RUSC1: variants seen among roughly 807,000 people sequenced by gnomAD.
RUSC1 encodes the protein RUN and SH3 domain containing 1, also known as AP-4 complex accessory subunit RUSC1.
A neutral mutation model predicts 72.1 loss-of-function variants in RUSC1; 40 were observed. The ratio of observed to expected loss-of-function variants is 0.55; its 90% CI spans 0.43 to 0.72. RUSC1 has a LOEUF of 0.72. Among genes scored for constraint, RUSC1 ranks in the 30% least tolerant of loss-of-function variants. RUSC1 has a pLI of 0.00. For missense variants in RUSC1, 1,092 were observed against 1,172.3 expected (o/e 0.93, Z 1.00); for synonymous variants, 512 against 494.2 (o/e 1.04, Z -0.48).
Position 155,326,092 on chromosome 1 carries a change from C to G in RUSC1, c.1861+182C>G. 1.5e-6 allele frequency: 1 copy of G among 685,606 alleles called. No homozygotes were observed. The highest frequency in any genetic ancestry group is 2.5e-6 in the Non-Finnish European group (1 of 404,752). The allele number at this position is 685,606 out of a possible 1,614,324, so 42.5% of individuals were successfully genotyped here. A position where few individuals can be genotyped will look rare whatever the true frequency, so the allele number is the denominator to read the frequency against. On this transcript the variant is annotated intron_variant, in intron 7 of 9. Coordinates refer to ENST00000368352, the MANE Select transcript of RUSC1 (RefSeq NM_001105203.2). The surrounding 1 kb of genome is among the most constrained non-coding windows in gnomAD (Gnocchi z 4.7). ...GCCCATAGGATGAAAGACCCAAAGC[C>G]TTGGCTGTCTGGCCTCTGCCCTCTT...
At chr1:155,330,237 G>A (rs1651869897) in intron 9 of RUSC1, among the ~76,000 whole-genome samples, 166 bp from the exon 10 acceptor site, 1 of 152,124 alleles carries the variant, frequency 6.6e-6, no homozygotes, top group African/African-American at 2.4e-5. Flanking sequence ...AGAAGGCTGG[G>A]GCCCCAGATA....
intron 8 of RUSC1, 82 bp from the exon 9 acceptor site, chr1:155,328,068 A>C: frequency 6.5e-7 from 1 of 1,528,416 alleles, no homozygotes; most frequent in East Asian, 2.3e-5. Context: ...TAGGCCCCTT[A>C]GCCTCTCCCT....
Position 155,325,041 on chromosome 1 carries a change from C to T in RUSC1, c.1457-61C>T. The T allele has an allele frequency of 6.2e-7, 1 of 1,613,988 alleles. No individual in the cohort carries two copies. Among genetic ancestry groups the T allele is most frequent in the South Asian group, 1.1e-5 (1 of 91,082 alleles). On this transcript the variant is annotated intron_variant, in intron 3 of 9. Transcript: ENST00000368352. This position sits in a 1 kb window ranked among gnomAD's most constrained non-coding sequence, Gnocchi z 6.5. The stretch of plus-strand genomic sequence containing the variant: ...GTCCGAAGGCAGTCTCTCCACGCCC[C>T]TCGGGCAAGCCTGGGTAGGGGCGCG...
intron 2 of RUSC1, chr1:155,323,772 C>T (rs752473605): frequency 8.0e-6 from 2 of 249,310 alleles, no homozygotes; most frequent in African/African-American, 4.7e-5. Flanking sequence ...CGCCGAAGGC[C>T]CCTCGCTGGA....
chr1:155,327,803 CCAAA>C (rs943119461), intron 8 of RUSC1, among the ~76,000 whole-genome samples: 8 of 152,126 alleles, frequency 5.3e-5, no homozygotes, highest in African/African-American at 9.7e-5. Flanking sequence ...TGTCTCCTCT[CCAAA>C]CAAACAAACA....
Position 155,325,048 on chromosome 1 carries a change from A to C in RUSC1, c.1457-54A>C. The C allele has an allele frequency of 6.2e-7, 1 of 1,614,016 alleles. No homozygotes were observed. The highest frequency in any genetic ancestry group is 8.5e-7 in the Non-Finnish European group (1 of 1,179,938). ...GGCAGTCTCTCCACGCCCCTCGGGC[A>C]AGCCTGGGTAGGGGCGCGGCCTCCT... On this transcript the variant is annotated intron_variant, in intron 3 of 9. Transcript: ENST00000368352. The surrounding 1 kb of genome is among the most constrained non-coding windows in gnomAD (Gnocchi z 6.5).
rs940038709 is a variant in RUSC1 at position 155,325,296 on chromosome 1, C to A, written c.1534-20C>A. On this transcript the variant is annotated intron_variant, in intron 4 of 9. Transcript: ENST00000368352. This position sits in a 1 kb window ranked among gnomAD's most constrained non-coding sequence, Gnocchi z 6.5. ...TGTCTGGAGGGATCTCTGGAGCCAT[C>A]GGCATCGCGCCACCTCCAGGCCCAG... 3 of 1,604,220 alleles carry A rather than the reference C, an allele frequency of 1.9e-6. No individual in the cohort carries two copies. The highest frequency in any genetic ancestry group is 2.5e-6 in the Non-Finnish European group (3 of 1,179,260).
At position 155,330,625 on chromosome 1, in the gene RUSC1, T is replaced by C. The variant is rs941239211; in HGVS notation, c.*54T>C. ...TCCTTCCTGTCACCTGGGAATGGAA[T>C]GGCCAGTGAACACCATCCCAGAAGC... On this transcript the variant is annotated 3_prime_UTR_variant, in exon 10 of 10. Coordinates refer to ENST00000368352, the MANE Select transcript of RUSC1 (RefSeq NM_001105203.2). 1.1e-5 allele frequency: 17 copies of C among 1,482,060 alleles called. No homozygotes were observed. In the South Asian group the frequency reaches 1.9e-4, roughly 16 times the overall value. 91.8% of individuals were successfully genotyped at this position (1,482,060 alleles called of 1,614,324 possible). A position where few individuals can be genotyped will look rare whatever the true frequency, so the allele number is the denominator to read the frequency against.
chr1:155,324,477 T>C, intron 2 of RUSC1: 1 of 1,609,966 alleles, frequency 6.2e-7, no homozygotes, highest in Non-Finnish European at 8.5e-7. Context: ...GGCGGTGCGC[T>C]GGGCTACACC....
At position 155,326,364 on chromosome 1, in the gene RUSC1, A is replaced by G. The variant is rs948038530; in HGVS notation, c.1862-216A>G. 4.9e-5 allele frequency: 29 copies of G among 588,478 alleles called. No homozygotes were observed. The Admixed American group carries it at 5.7e-4, about 12-fold the overall frequency. 36.5% of individuals were successfully genotyped at this position (588,478 alleles called of 1,614,324 possible). On this transcript the variant is annotated intron_variant, in intron 7 of 9. Coordinates refer to ENST00000368352, the MANE Select transcript of RUSC1 (RefSeq NM_001105203.2). The surrounding 1 kb of genome is among the most constrained non-coding windows in gnomAD (Gnocchi z 4.7). Reference sequence around the variant, plus strand: ...CTGTAGCCTTTGCACTGTCTCTGTTACTTGTCACCACTTGCTGTGTGTGTC... The same window carrying G: ...CTGTAGCCTTTGCACTGTCTCTGTTGCTTGTCACCACTTGCTGTGTGTGTC...
intron 1 of RUSC1, 31 bp downstream of exon 1, chr1:155,321,022 C>A (rs950214323): frequency 2.0e-6 from 3 of 1,489,726 alleles, no homozygotes; most frequent in Non-Finnish European, 2.7e-6. Flanking sequence ...GGGTGTAGAC[C>A]GATGGACCTG....
Position 155,321,779 on chromosome 1 carries a change from G to C in RUSC1, c.6G>C (p.Leu2=). 1 of 1,613,920 alleles carries C rather than the reference G, an allele frequency of 6.2e-7. No homozygotes were observed. Among genetic ancestry groups the C allele is most frequent in the Non-Finnish European group, 8.5e-7 (1 of 1,180,000 alleles). M[L]SPQRALLCNL... ...ATCCCATCGCCGCTAGCATCATGCT[G>C]TCCCCTCAGAGAGCTTTACTCTGCA... Residue 2 remains leucine (L), a synonymous_variant, in exon 2 of 10, where the codon CTG becomes CTC. Coordinates refer to ENST00000368352, the MANE Select transcript of RUSC1 (RefSeq NM_001105203.2).
chr1:155,325,231 CG>C lies in RUSC1; in HGVS notation c.1533+59del. ...GGATGAGGAGAGTAATGGAGCTCCG[CG>C]GGGGGTGCGGGAATGGTTGGCGGGA... On this transcript the variant is annotated intron_variant, in intron 4 of 9. Coordinates refer to ENST00000368352, the MANE Select transcript of RUSC1 (RefSeq NM_001105203.2). The surrounding 1 kb of genome is among the most constrained non-coding windows in gnomAD (Gnocchi z 6.5). 1 of 1,612,868 alleles carries C rather than the reference CG, an allele frequency of 6.2e-7. No individual in the cohort carries two copies. The highest frequency in any genetic ancestry group is 8.5e-7 in the Non-Finnish European group (1 of 1,179,948).
At position 155,324,949 on chromosome 1, in the gene RUSC1, G is replaced by T; in HGVS notation, c.1456+6G>T. On this transcript the variant is annotated splice_donor_region_variant and intron_variant, in intron 3 of 9. Transcript: ENST00000368352. The stretch of plus-strand genomic sequence containing the variant: ...GCTGCAGGAGCAGAAGAAAGGTAGG[G>T]CACCCTGACTCCCGACCCCGCGCTT... 3 of 1,614,140 alleles carry T rather than the reference G, an allele frequency of 1.9e-6. No individual in the cohort carries two copies. The highest frequency in any genetic ancestry group is 2.5e-6 in the Non-Finnish European group (3 of 1,180,010).
Position 155,325,194 on chromosome 1 carries a change from G to GGGA in RUSC1, c.1533+19_1533+21dup. The GGGA allele has an allele frequency of 6.2e-7, 1 of 1,614,222 alleles. No individual in the cohort carries two copies. The highest frequency in any genetic ancestry group is 8.5e-7 in the Non-Finnish European group (1 of 1,180,040). On this transcript the variant is annotated intron_variant, in intron 4 of 9. Transcript: ENST00000368352. This position sits in a 1 kb window ranked among gnomAD's most constrained non-coding sequence, Gnocchi z 6.5. ...GGTGCAGAAGGTGAAGGTGGCTGGG[G>GGGA]GGAGGCTGTTGGGATGAGGAGAGTA...
intron 1 of RUSC1, chr1:155,321,368 C>T (rs748482578): frequency 5.8e-6 from 8 of 1,380,024 alleles, no homozygotes; most frequent in African/African-American, 1.5e-5. Context: ...GGCTGGAGGG[C>T]AGGGCCAGAT....
At position 155,326,895 on chromosome 1, in the gene RUSC1, C is replaced by G; in HGVS notation, c.2177C>G (p.Pro726Arg). 6.2e-7 allele frequency: 1 copy of G among 1,613,802 alleles called. No individual in the cohort carries two copies. The highest frequency in any genetic ancestry group is 8.5e-7 in the Non-Finnish European group (1 of 1,180,034). ...TCTGACTCTCCAAACCTTCCCACAC[C>G]AGGGAGCTGGTGGGAGCAGTTGACC... ...DPSDSPNLPT[P>R]GSWWEQLTQA... Residue 726 changes from proline (P) to arginine (R), a missense_variant, in exon 8 of 10, where the codon CCA becomes CGA. Pro to Arg is a moderately radical substitution (Grantham distance 103). Transcript: ENST00000368352. The surrounding 1 kb of genome is among the most constrained non-coding windows in gnomAD (Gnocchi z 4.7).
At position 155,322,104 on chromosome 1, in the gene RUSC1, G is replaced by C; in HGVS notation, c.331G>C (p.Asp111His). ...GCSSSLSSCS[D>H]LSPDESPVSV... ...CTCCTCCTCACTCAGCTCCTGCTCA[G>C]ATCTTAGCCCCGATGAGTCCCCTGT... is the stretch of plus-strand genomic sequence containing the variant. The change falls in exon 2 of 10, where the codon GAT (aspartate) becomes CAT (histidine). Residue 111 changes from aspartate (D) to histidine (H), a missense_variant. Coordinates refer to ENST00000368352, the MANE Select transcript of RUSC1 (RefSeq NM_001105203.2). The C allele has an allele frequency of 3.1e-6, 5 of 1,613,036 alleles. No homozygotes were observed. Among genetic ancestry groups the C allele is most frequent in the South Asian group, 1.1e-5 (1 of 91,010 alleles).
intron 2 of RUSC1, 122 bp from the exon 3 acceptor site, chr1:155,324,723 T>C: frequency 1.3e-6 from 2 of 1,570,980 alleles, no homozygotes; most frequent in Non-Finnish European, 1.7e-6. Flanking sequence ...CTGCGCCTCC[T>C]CTCCCCAAGA....
Sources: allele counts gnomAD v4.1 joint callset (sites outside exome capture counted in the v4.1 genomes callset), GRCh38; gene constraint gnomAD v4.1.1; non-coding constraint Gnocchi (gnomAD v3.1); transcripts MANE v1.5; gene names NCBI Gene and HGNC (gene_info 2026-07-23, HGNC 2026-07-21).